The following LOC400499 variants were observed in gnomAD, a reference collection of about 807,000 sequenced individuals.
At chr16:11,512,278 T>C in the LOC400499 span, among the ~76,000 whole-genome samples, 14 of 149,542 alleles carry the variant, frequency 9.4e-5, no homozygotes, top group East Asian at 4.0e-4. Flanking sequence ...CCAGATTCCA[T>C]CTCAAAAAAA....
At chr16:11,379,411 A>G in the LOC400499 span, among the ~76,000 whole-genome samples, 1 of 152,204 alleles carries the variant, frequency 6.6e-6, no homozygotes, top group African/African-American at 2.4e-5. Context: ...TGTTATCATT[A>G]TCTCTTATAA....
the LOC400499 span, chr16:11,522,076 T>C: frequency 5.0e-6 from 2 of 398,748 alleles, no homozygotes; most frequent in Non-Finnish European, 4.4e-6. Context: ...ATGATAGGTG[T>C]ATCTGGTGCC....
the LOC400499 span, among the ~76,000 whole-genome samples, chr16:11,466,031 TG>T: frequency 3.3e-5 from 5 of 152,194 alleles, no homozygotes; most frequent in African/African-American, 1.2e-4. Flanking sequence ...AGCAGAAACC[TG>T]GAAAAAACTC....
chr16:11,449,375 T>G, the LOC400499 span, among the ~76,000 whole-genome samples: 1 of 152,222 alleles, frequency 6.6e-6, no homozygotes, highest in Non-Finnish European at 1.5e-5. Context: ...GGAGGGAATC[T>G]GATCTTGTTG....
chr16:11,489,123 T>G, the LOC400499 span, among the ~76,000 whole-genome samples: 1 of 152,238 alleles, frequency 6.6e-6, no homozygotes, highest in Non-Finnish European at 1.5e-5. Context: ...GAAGGTGTCA[T>G]GGACTCAAAA....
chr16:11,445,686 G>C, the LOC400499 span, among the ~76,000 whole-genome samples: 2 of 152,204 alleles, frequency 1.3e-5, no homozygotes, highest in African/African-American at 2.4e-5. Context: ...GAGGGGACAG[G>C]ACTGGGGCTT....
At chr16:11,459,753 T>C in the LOC400499 span, 1 of 797,430 alleles carries the variant, frequency 1.3e-6, no homozygotes, top group Non-Finnish European at 1.7e-6. Flanking sequence ...GGGCTGGAGA[T>C]GCAAAAGGGA....
chr16:11,493,130 GAAGTC>G, the LOC400499 span, among the ~76,000 whole-genome samples: 3 of 152,164 alleles, frequency 2.0e-5, no homozygotes, highest in South Asian at 4.1e-4. Context: ...CAGGGCCTGG[GAAGTC>G]AATGAAGGGA....
chr16:11,484,241 T>C, the LOC400499 span, among the ~76,000 whole-genome samples: 1 of 151,920 alleles, frequency 6.6e-6, no homozygotes, highest in Non-Finnish European at 1.5e-5. Context: ...TCTCCTGACC[T>C]CGTGATCCGC....
At chr16:11,465,895 G>T in the LOC400499 span, among the ~76,000 whole-genome samples, 1 of 151,830 alleles carries the variant, frequency 6.6e-6, no homozygotes, top group Non-Finnish European at 1.5e-5. Flanking sequence ...GGCGAGAAAG[G>T]AAAGAAAAGG....
the LOC400499 span, among the ~76,000 whole-genome samples, chr16:11,458,812 A>G: frequency 7.2e-5 from 11 of 152,094 alleles, no homozygotes; most frequent in African/African-American, 2.4e-4. Context: ...AGGTGAGCGG[A>G]TCACCTGAGG....
chr16:11,445,174 A>G, the LOC400499 span, among the ~76,000 whole-genome samples: 1 of 152,054 alleles, frequency 6.6e-6, no homozygotes, highest in Non-Finnish European at 1.5e-5. Context: ...TAATCCCAGC[A>G]CTTTGGGAGG....
the LOC400499 span, among the ~76,000 whole-genome samples, chr16:11,507,280 A>T: frequency 0.027 from 4,040 of 152,246 alleles, 81 homozygotes; most frequent in Middle Eastern, 0.054. Flanking sequence ...GTTGCCACGG[A>T]CTGCAGGTGG....
the LOC400499 span, among the ~76,000 whole-genome samples, chr16:11,451,849 C>A: frequency 7.2e-5 from 11 of 152,124 alleles, no homozygotes; most frequent in Non-Finnish European, 1.5e-5. Flanking sequence ...GGAGGAGCCG[C>A]GGAGTTGAGA....
chr16:11,519,008 G>A, the LOC400499 span: 1 of 398,986 alleles, frequency 2.5e-6, no homozygotes, highest in Non-Finnish European at 4.4e-6. Context: ...GACCTCTCCT[G>A]TGATACCCCG....
the LOC400499 span, chr16:11,518,996 G>C: frequency 7.5e-5 from 30 of 398,996 alleles, no homozygotes; most frequent in African/African-American, 6.0e-4. Flanking sequence ...CCGTGAGTTG[G>C]TGACCTCTCC....
the LOC400499 span, among the ~76,000 whole-genome samples, chr16:11,506,651 G>T: frequency 6.6e-6 from 1 of 152,126 alleles, no homozygotes; most frequent in African/African-American, 2.4e-5. Context: ...GGACGCCCTT[G>T]GCCATCCCAC....
the LOC400499 span, among the ~76,000 whole-genome samples, chr16:11,413,787 G>C: frequency 2.0e-5 from 3 of 152,140 alleles, no homozygotes; most frequent in African/African-American, 7.2e-5. Flanking sequence ...TTAATGGGAT[G>C]AACTCACTCG....
the LOC400499 span, among the ~76,000 whole-genome samples, chr16:11,412,275 C>T: frequency 7.9e-5 from 12 of 152,202 alleles, no homozygotes; most frequent in South Asian, 2.1e-4. Context: ...CCTTCACAGT[C>T]GTGGGTGTGT....
Sources: allele counts gnomAD v4.1 joint callset (sites outside exome capture counted in the v4.1 genomes callset), GRCh38; gene constraint gnomAD v4.1.1; transcripts MANE v1.5.